MX2: variants seen among roughly 807,000 people sequenced by gnomAD.
MX2 encodes the protein MX dynamin like GTPase 2.
A neutral mutation model predicts 74.0 loss-of-function variants in MX2; 51 were observed. That is an observed-to-expected ratio of 0.69 (90% CI 0.55 to 0.87). The LOEUF is 0.87. MX2 is among the 40% of genes least tolerant of loss of function. The pLI is 0.00. For synonymous variants in MX2, 369 were observed against 339.3 expected, an observed-to-expected ratio of 1.09 and a Z score of -0.96; for missense variants, 832 against 908.7, an observed-to-expected ratio of 0.92 and a Z score of 1.09.
At chr21:41,387,223 A>T (rs370217138) in intron 5 of MX2, among the ~76,000 whole-genome samples, 3 of 152,140 alleles carry the variant, frequency 2.0e-5, no homozygotes, top group East Asian at 3.9e-4. Flanking sequence ...CTGAGAAGTC[A>T]TGGAAATCTT....
At chr21:41,375,465 G>C (rs1199977725) in intron 1 of MX2, among the ~76,000 whole-genome samples, 1 of 152,250 alleles carries the variant, frequency 6.6e-6, no homozygotes, top group Non-Finnish European at 1.5e-5. Flanking sequence ...TGTCGGCAGA[G>C]CTGGTTCCTT....
chr21:41,407,818 G>A (rs908384556), intron 13 of MX2, among the ~76,000 whole-genome samples, 173 bp from the exon 14 acceptor site: 4 of 152,268 alleles, frequency 2.6e-5, no homozygotes, highest in Non-Finnish European at 4.4e-5. Context: ...AGGGGTCAGC[G>A]CAAATAGAAC....
intron 1 of MX2, among the ~76,000 whole-genome samples, chr21:41,376,009 G>C (rs187824922): frequency 6.6e-6 from 1 of 152,350 alleles, no homozygotes; most frequent in Non-Finnish European, 1.5e-5. Flanking sequence ...TTAAATGTAT[G>C]TCTCAGCATG....
intron 1 of MX2, among the ~76,000 whole-genome samples, chr21:41,369,681 C>A (rs1476899161): frequency 6.6e-6 from 1 of 152,130 alleles, no homozygotes; most frequent in Non-Finnish European, 1.5e-5. Flanking sequence ...CCCCTGGGGC[C>A]TTCCTGCAGG....
chr21:41,403,845 GGA>G (rs1200802351), intron 12 of MX2: 1 of 325,530 alleles, frequency 3.1e-6, no homozygotes, highest in South Asian at 2.5e-5. Context: ...CTGGGCTGGT[GGA>G]TTGAAATCTC....
intron 5 of MX2, among the ~76,000 whole-genome samples, chr21:41,387,758 G>A (rs938860459): frequency 6.6e-6 from 1 of 152,090 alleles, no homozygotes; most frequent in Non-Finnish European, 1.5e-5. Flanking sequence ...CCTATCTCCA[G>A]CTGCCGATTC....
chr21:41,403,447 T>A, intron 12 of MX2, 104 bp downstream of exon 12: 1 of 1,069,200 alleles, frequency 9.4e-7, no homozygotes, highest in Non-Finnish European at 1.5e-6. Flanking sequence ...GCCAGGGATG[T>A]AATGGCAGGC....
chr21:41,379,913 G>A (rs550014942), intron 3 of MX2, 104 bp from the exon 4 acceptor site: 45 of 1,457,934 alleles, frequency 3.1e-5, no homozygotes, highest in Admixed American at 3.7e-5. Context: ...GCCAGAAAGT[G>A]CAGACGAGGC....
Position 41,388,001 on chromosome 21 carries a change from C to G in MX2, c.733-2564C>G. Reference sequence around the variant, plus strand: ...CCTGCTGGCTCTGCTTCAAATAACACACCCAGGCCCACGTCTCCTCCCACT... The same window carrying G: ...CCTGCTGGCTCTGCTTCAAATAACAGACCCAGGCCCACGTCTCCTCCCACT... On this transcript the variant is annotated intron_variant, in intron 5 of 13. Coordinates refer to ENST00000330714, the MANE Select transcript of MX2 (RefSeq NM_002463.2). The surrounding 1 kb of genome is among the most constrained non-coding windows in gnomAD (Gnocchi z 4.0). 6.6e-6 allele frequency among the ~76,000 whole-genome samples: 1 copy of G among 152,166 alleles called. No individual in the cohort carries two copies. Among genetic ancestry groups the G allele is most frequent in the African/African-American group, 2.4e-5 (1 of 41,432 alleles).
intron 12 of MX2, 42 bp from the exon 13 acceptor site, chr21:41,406,702 G>A: frequency 6.3e-7 from 1 of 1,582,974 alleles, no homozygotes; most frequent in Non-Finnish European, 8.6e-7. Flanking sequence ...CAACAGGAAA[G>A]AAGAAAAAGA....
chr21:41,399,094 C>T, intron 9 of MX2, 75 bp downstream of exon 9: 3 of 1,595,514 alleles, frequency 1.9e-6, no homozygotes, highest in Non-Finnish European at 2.6e-6. Context: ...TCCCCTTCTT[C>T]ACCCATGAGA....
In MX2 at chr21:41,390,556, T is replaced by C. The variant is rs1487282490; in HGVS notation, c.733-9T>C. 7 of 1,613,882 alleles carry C rather than the reference T, an allele frequency of 4.3e-6. No homozygotes were observed. Among genetic ancestry groups the C allele is most frequent in the Non-Finnish European group, 5.9e-6 (7 of 1,179,936 alleles). ...TGTGCTCTTTCTTTGTGCGATTCTT[T>C]GGCATCAGATCAAGGCTCTCATCAA... On this transcript the variant is annotated splice_polypyrimidine_tract_variant and intron_variant, in intron 5 of 13. Transcript: ENST00000330714.
chr21:41,406,588 T>C (rs1167729387), intron 12 of MX2, among the ~76,000 whole-genome samples, 156 bp from the exon 13 acceptor site: 1 of 152,202 alleles, frequency 6.6e-6, no homozygotes, highest in Non-Finnish European at 1.5e-5. Context: ...AAGGGCGAAG[T>C]GGGACTTTCT....
At chr21:41,395,913 A>T in intron 7 of MX2, 128 bp downstream of exon 7, 1 of 850,570 alleles carries the variant, frequency 1.2e-6, no homozygotes. Flanking sequence ...GCCTCACCTG[A>T]TTTTTGTGCT....
chr21:41,367,018 G>A (rs1432748074), intron 1 of MX2: 1 of 152,298 alleles, frequency 6.6e-6, no homozygotes, highest in Non-Finnish European at 1.5e-5. Flanking sequence ...CAAGAATCAG[G>A]GGACAGGAAC....
intron 5 of MX2, among the ~76,000 whole-genome samples, chr21:41,383,642 C>A (rs2089528276): frequency 6.6e-6 from 1 of 152,196 alleles, no homozygotes; most frequent in South Asian, 2.1e-4. Flanking sequence ...GCAGTGTTGA[C>A]AACCCAACCA....
chr21:41,385,163 G>T (rs144980650), intron 5 of MX2, among the ~76,000 whole-genome samples: 1 of 152,174 alleles, frequency 6.6e-6, no homozygotes, highest in Non-Finnish European at 1.5e-5. Flanking sequence ...CTTAGCTAAC[G>T]GGTTGGCACA....
intron 1 of MX2, among the ~76,000 whole-genome samples, chr21:41,374,330 A>G (rs933284705): frequency 6.6e-6 from 1 of 152,176 alleles, no homozygotes; most frequent in Admixed American, 6.5e-5. Context: ...TCTTAGGGAG[A>G]TGGTGCTGCC....
chr21:41,400,870 C>T (rs919879921), intron 10 of MX2: 1 of 152,184 alleles, frequency 6.6e-6, no homozygotes, highest in Non-Finnish European at 1.5e-5. Flanking sequence ...CCACACCCAG[C>T]TGATTTTTGT....
Sources: allele counts gnomAD v4.1 joint callset (sites outside exome capture counted in the v4.1 genomes callset), GRCh38; gene constraint gnomAD v4.1.1; non-coding constraint Gnocchi (gnomAD v3.1); transcripts MANE v1.5; gene names NCBI Gene and HGNC (gene_info 2026-07-23, HGNC 2026-07-21).